Variants in NALF1 observed in about 807,000 individuals in gnomAD.
The protein encoded by NALF1 is NALCN channel auxiliary factor 1, also known as family with sequence similarity 155 member A.
A neutral mutation model predicts 48.4 loss-of-function variants in NALF1; 3 were observed. The observed-to-expected ratio is 0.06, with a 90% CI of 0.03 to 0.16. The LOEUF is 0.16. Ranked by LOEUF, NALF1 falls within the 10% of genes least tolerant of loss-of-function variation. NALF1 has a pLI of 1.00. For synonymous variants in NALF1, 262 were observed against 245.7 expected (o/e 1.07, Z -0.62); for missense variants, 526 against 571.5 (o/e 0.92, Z 0.81).
At chr13:107,395,954 G>A (rs923263551) in intron 1 of NALF1, among the ~76,000 whole-genome samples, 7 of 152,104 alleles carry the variant, frequency 4.6e-5, no homozygotes, top group Non-Finnish European at 7.4e-5. Flanking sequence ...CTGAGGGGCT[G>A]AGGTTTAGGA....
At chr13:107,600,931 T>C (rs989878353) in intron 1 of NALF1, among the ~76,000 whole-genome samples, 3 of 152,144 alleles carry the variant, frequency 2.0e-5, no homozygotes, top group Non-Finnish European at 2.9e-5. Context: ...TTTGTGCTAT[T>C]GGGTGGGTCA....
At chr13:107,841,848 A>G (rs1880050803) in intron 1 of NALF1, among the ~76,000 whole-genome samples, 1 of 152,082 alleles carries the variant, frequency 6.6e-6, no homozygotes, top group Non-Finnish European at 1.5e-5. Context: ...AATCCCAAAT[A>G]TTCTTGCAAA....
At chr13:107,520,241 G>A (rs1350126161) in intron 1 of NALF1, among the ~76,000 whole-genome samples, 1 of 152,128 alleles carries the variant, frequency 6.6e-6, no homozygotes, top group South Asian at 2.1e-4. Context: ...AGTTGCTAAA[G>A]GGGTCAGTCA....
intron 1 of NALF1, among the ~76,000 whole-genome samples, chr13:107,588,198 A>C (rs1232866098): frequency 1.3e-5 from 2 of 152,112 alleles, no homozygotes; most frequent in African/African-American, 4.8e-5. Context: ...GTTGCCATAC[A>C]CACATTTCAG....
chr13:107,201,474 G>A (rs986263497), intron 2 of NALF1, among the ~76,000 whole-genome samples: 2 of 152,166 alleles, frequency 1.3e-5, no homozygotes, highest in Non-Finnish European at 2.9e-5. Flanking sequence ...CTACTCGGGA[G>A]GCTGAGGCAG....
chr13:107,511,573 T>C (rs1164023402), intron 1 of NALF1, among the ~76,000 whole-genome samples: 1 of 152,166 alleles, frequency 6.6e-6, no homozygotes, highest in East Asian at 1.9e-4. Context: ...GTGCCTTACA[T>C]GAATTAACAT....
chr13:107,493,902 A>G (rs559676460), intron 1 of NALF1, among the ~76,000 whole-genome samples: 83 of 152,194 alleles, frequency 5.5e-4, no homozygotes, highest in Middle Eastern at 6.8e-3. Context: ...AAAATTATAT[A>G]TATACACACA....
At chr13:107,593,933 C>T (rs1878671992) in intron 1 of NALF1, among the ~76,000 whole-genome samples, 1 of 151,900 alleles carries the variant, frequency 6.6e-6, no homozygotes, top group South Asian at 2.1e-4. Context: ...TTAGGGGAGT[C>T]CATGGCAGGA....
chr13:107,633,828 A>G (rs1879900593), intron 1 of NALF1, among the ~76,000 whole-genome samples: 1 of 145,850 alleles, frequency 6.9e-6, no homozygotes, highest in African/African-American at 2.5e-5. Flanking sequence ...ATCCTGTTTT[A>G]CCAAATTGGT....
intron 1 of NALF1, among the ~76,000 whole-genome samples, chr13:107,617,107 C>T (rs1359931691): frequency 6.6e-6 from 1 of 152,176 alleles, no homozygotes; most frequent in African/African-American, 2.4e-5. Flanking sequence ...GGAATTTAAT[C>T]ATCCAAATAA....
At chr13:107,395,840 T>C (rs1328631589) in intron 1 of NALF1, among the ~76,000 whole-genome samples, 1 of 152,078 alleles carries the variant, frequency 6.6e-6, no homozygotes, top group Non-Finnish European at 1.5e-5. Context: ...AACCTCCTTT[T>C]TGTAAATAAG....
At chr13:107,771,617 G>A (rs572780773) in intron 1 of NALF1, among the ~76,000 whole-genome samples, 166 of 152,050 alleles carry the variant, frequency 1.1e-3, no homozygotes, top group Non-Finnish European at 1.7e-3. Flanking sequence ...TTGCTGGGCT[G>A]CATTTCCAGA....
intron 1 of NALF1, among the ~76,000 whole-genome samples, chr13:107,743,361 A>C (rs570729967): frequency 6.6e-6 from 1 of 152,344 alleles, no homozygotes; most frequent in African/African-American, 2.4e-5. Flanking sequence ...GCCTGTGACA[A>C]GAAACTTACT....
At chr13:107,397,370 C>A (rs1883729966) in intron 1 of NALF1, among the ~76,000 whole-genome samples, 1 of 152,144 alleles carries the variant, frequency 6.6e-6, no homozygotes, top group Non-Finnish European at 1.5e-5. Flanking sequence ...TAAGGTAAAA[C>A]TGCATGCACA....
intron 1 of NALF1, among the ~76,000 whole-genome samples, chr13:107,773,637 T>C (rs1053136367): frequency 6.8e-6 from 1 of 147,256 alleles, no homozygotes; most frequent in African/African-American, 2.5e-5. Flanking sequence ...TTAAAAATAA[T>C]GAGTGTCCGC....
At chr13:107,433,904 T>G (rs1005393919) in intron 1 of NALF1, among the ~76,000 whole-genome samples, 1 of 152,180 alleles carries the variant, frequency 6.6e-6, no homozygotes, top group Non-Finnish European at 1.5e-5. Flanking sequence ...TAGGAGCTGG[T>G]AGATTGCTGT....
intron 1 of NALF1, among the ~76,000 whole-genome samples, chr13:107,327,844 C>T (rs1288594778): frequency 6.6e-6 from 1 of 152,154 alleles, no homozygotes; most frequent in African/African-American, 2.4e-5. Context: ...TTTGTCCTTG[C>T]CATCCCTCTT....
At chr13:107,556,350 TAGAGAGAG>T (rs778915739) in intron 1 of NALF1, among the ~76,000 whole-genome samples, 3 of 146,812 alleles carry the variant, frequency 2.0e-5, no homozygotes, top group South Asian at 4.4e-4. Context: ...TATATATATA[TAGAGAGAG>T]AGAGAGAGAG....
At chr13:107,537,825 C>G (rs573797176) in intron 1 of NALF1, among the ~76,000 whole-genome samples, 24 of 152,194 alleles carry the variant, frequency 1.6e-4, no homozygotes, top group Non-Finnish European at 2.9e-4. Flanking sequence ...CAAGACCAGC[C>G]TGGCCAACAT....
Sources: allele counts gnomAD v4.1 joint callset (sites outside exome capture counted in the v4.1 genomes callset), GRCh38; gene constraint gnomAD v4.1.1; transcripts MANE v1.5; gene names NCBI Gene and HGNC (gene_info 2026-07-23, HGNC 2026-07-21).